STK3: variants seen among roughly 807,000 people sequenced by gnomAD.
STK3 encodes serine/threonine kinase 3, also known as serine/threonine-protein kinase 3.
STK3 carries 41 observed loss-of-function variants against 58.0 expected under a neutral mutation model. That is an observed-to-expected ratio of 0.71 (90% CI 0.55 to 0.92). The LOEUF (loss-of-function observed/expected upper bound fraction) is 0.92, where lower values mean the gene tolerates loss of function less well. Among genes scored for constraint, STK3 ranks in the 40% least tolerant of loss-of-function variants. The pLI is 0.00. For missense variants in STK3, 479 were observed against 602.7 expected (o/e 0.79, Z 2.15); for synonymous variants, 170 against 191.0 (o/e 0.89, Z 0.91).
chr8:98,606,443 C>T (rs1816782764), intron 6 of STK3: 3 of 152,116 alleles, frequency 2.0e-5, no homozygotes, highest in Admixed American at 2.0e-4. Context: ...ATGGAATTTC[C>T]AGAGATATAA....
chr8:98,854,468 C>T (rs1452173330), intron 3 of STK3, among the ~76,000 whole-genome samples: 2 of 151,750 alleles, frequency 1.3e-5, no homozygotes, highest in Non-Finnish European at 2.9e-5. Context: ...GATGTAATCT[C>T]GTATATAGAA....
chr8:98,714,990 T>C (rs142064121), intron 4 of STK3, among the ~76,000 whole-genome samples: 8,157 of 152,180 alleles, frequency 0.054, 318 homozygotes, highest in South Asian at 0.17. Context: ...TATCTACAAC[T>C]ACCTGATCTT....
intron 1 of STK3, among the ~76,000 whole-genome samples, chr8:98,799,439 A>G (rs1011133350): frequency 6.6e-6 from 1 of 151,852 alleles, no homozygotes; most frequent in Non-Finnish European, 1.5e-5. Flanking sequence ...AAAGAGAGAG[A>G]CAACAAAGAA....
rs182534860 is a variant in STK3 at position 98,651,230 on chromosome 8, C to T, written c.685-55061G>A. On this transcript the variant is annotated intron_variant, in intron 6 of 10. Transcript: ENST00000419617. ...CACCGCTGCTGGTACCCAGGCAAAC[C>T]GAGTCTGGAGTGGACCTCTAGCAAA... Among the ~76,000 whole-genome samples, 388 of 152,302 alleles carry T rather than the reference C, an allele frequency of 2.5e-3. 1 individual carries two copies. The highest frequency in any genetic ancestry group is 7.9e-3 in the South Asian group (38 of 4,826).
At chr8:98,703,112 C>G (rs1825734112) in intron 6 of STK3, among the ~76,000 whole-genome samples, 1 of 152,120 alleles carries the variant, frequency 6.6e-6, no homozygotes, top group Admixed American at 6.5e-5. Flanking sequence ...TCCTGCTACT[C>G]TGGAAAACTT....
chr8:98,363,807 C>T, the STK3 span, among the ~76,000 whole-genome samples: 2 of 152,326 alleles, frequency 1.3e-5, no homozygotes, highest in South Asian at 4.2e-4. Flanking sequence ...GAAGTGATGT[C>T]ACCGCGGAGA....
At chr8:98,498,887 T>G (rs1457684373) in intron 10 of STK3, among the ~76,000 whole-genome samples, 5 of 152,168 alleles carry the variant, frequency 3.3e-5, no homozygotes, top group Admixed American at 3.3e-4. Flanking sequence ...TGAATAATGG[T>G]CCCTTGAGAT....
At chr8:98,786,890 A>G (rs183027085) in intron 1 of STK3, among the ~76,000 whole-genome samples, 3 of 152,162 alleles carry the variant, frequency 2.0e-5, no homozygotes, top group East Asian at 1.9e-4. Flanking sequence ...TCCAAGGTCA[A>G]TGTGGTGCGG....
intron 3 of STK3, 81 bp downstream of exon 3, chr8:98,767,162 A>T (rs1186376769): frequency 8.5e-6 from 12 of 1,407,564 alleles, no homozygotes; most frequent in Admixed American, 2.5e-5. Flanking sequence ...TAAACAGATG[A>T]TCAAAGAATA....
intron 3 of STK3, among the ~76,000 whole-genome samples, chr8:98,841,407 A>G (rs1749714677): frequency 6.6e-6 from 1 of 152,234 alleles, no homozygotes. Context: ...TATGTCAATT[A>G]TATCTCCACA....
chr8:98,815,759 C>T (rs541808213), intron 1 of STK3, among the ~76,000 whole-genome samples: 1 of 152,166 alleles, frequency 6.6e-6, no homozygotes, highest in East Asian at 1.9e-4. Context: ...AAGAATCAAA[C>T]ATTTATCCTG....
At chr8:98,406,764 A>G (rs1817998240) in intron 3 of STK3, among the ~76,000 whole-genome samples, 1 of 152,196 alleles carries the variant, frequency 6.6e-6, no homozygotes, top group South Asian at 2.1e-4. Flanking sequence ...TTTTCCCAGC[A>G]TCCTTTGCAG....
At chr8:98,771,369 C>T (rs1421125977) in intron 2 of STK3, among the ~76,000 whole-genome samples, 2 of 152,188 alleles carry the variant, frequency 1.3e-5, no homozygotes, top group Admixed American at 1.3e-4. Flanking sequence ...GTTGTTTCCA[C>T]ATTTTGGCTA....
chr8:98,742,892 C>A (rs1031487584), intron 4 of STK3, among the ~76,000 whole-genome samples: 2 of 152,054 alleles, frequency 1.3e-5, no homozygotes, highest in African/African-American at 4.8e-5. Context: ...TCTCAGGATA[C>A]AAAATCAATG....
intron 1 of STK3, among the ~76,000 whole-genome samples, chr8:98,810,970 A>G (rs1434513952): frequency 2.0e-5 from 3 of 152,174 alleles, no homozygotes; most frequent in African/African-American, 7.2e-5. Flanking sequence ...TCTGCCATGA[A>G]TAAAATCTTC....
At chr8:98,935,284 T>A (rs1440547377) in intron 1 of STK3, among the ~76,000 whole-genome samples, 1 of 152,232 alleles carries the variant, frequency 6.6e-6, no homozygotes, top group Non-Finnish European at 1.5e-5. Flanking sequence ...CATGATAGAA[T>A]GAGCCCAAGT....
chr8:98,719,757 T>A (rs1272865691), intron 4 of STK3, among the ~76,000 whole-genome samples: 1 of 152,244 alleles, frequency 6.6e-6, no homozygotes, highest in East Asian at 1.9e-4. Context: ...CTCTTCAAGG[T>A]GCTGGATATA....
At chr8:98,590,077 G>C (rs980817553) in intron 7 of STK3, among the ~76,000 whole-genome samples, 1 of 152,212 alleles carries the variant, frequency 6.6e-6, no homozygotes, top group Non-Finnish European at 1.5e-5. Flanking sequence ...CTCATGCTGG[G>C]AGCTGTAGAC....
chr8:98,829,158 G>A (rs1440722560), upstream of STK3, among the ~76,000 whole-genome samples: 1 of 152,148 alleles, frequency 6.6e-6, no homozygotes, highest in East Asian at 1.9e-4. Flanking sequence ...TTCCTGTGAG[G>A]TGACCTAGGG....
Sources: gnomAD v4.1 joint callset for allele counts (sites outside exome capture counted in the v4.1 genomes callset) on GRCh38, gnomAD v4.1.1 for gene constraint, MANE v1.5 for transcripts, NCBI Gene and HGNC (gene_info 2026-07-23, HGNC 2026-07-21) for gene names.